The following SEMA3A variants were observed in gnomAD, a reference collection of about 807,000 sequenced individuals.
SEMA3A encodes the protein semaphorin 3A, also known as semaphorin-3A.
Under a neutral mutation model 97.9 loss-of-function variants are expected in SEMA3A, and 29 were observed. That is an observed-to-expected ratio of 0.30 (90% CI 0.22 to 0.40). The LOEUF is 0.40. SEMA3A is among the 10% of genes least tolerant of loss of function. The pLI, the probability that SEMA3A is intolerant of heterozygous loss-of-function variation, is 1.00. For missense variants in SEMA3A, 763 were observed against 951.3 expected (o/e 0.80, Z 2.60); for synonymous variants, 321 against 323.7 (o/e 0.99, Z 0.09).
chr7:84,153,203 A>G (rs1448032813), intron 1 of SEMA3A, among the ~76,000 whole-genome samples: 1 of 152,148 alleles, frequency 6.6e-6, no homozygotes. Flanking sequence ...TATTGCTATG[A>G]AAGTCTTGAT....
intron 2 of SEMA3A, among the ~76,000 whole-genome samples, chr7:84,356,510 T>C (rs1208864449): frequency 2.6e-5 from 4 of 151,564 alleles, no homozygotes; most frequent in African/African-American, 9.7e-5. Context: ...ATTCTGAAAT[T>C]TGTTTCTCTA....
At chr7:83,981,281 A>G (rs1246798926) in intron 14 of SEMA3A, 40 bp downstream of exon 14, 6 of 1,602,070 alleles carry the variant, frequency 3.7e-6, no homozygotes, top group African/African-American at 2.7e-5. Context: ...CAGATAGGAT[A>G]ACTAGCAAAC....
chr7:83,963,851 C>T (rs1220301976), intron 15 of SEMA3A, among the ~76,000 whole-genome samples: 2 of 152,118 alleles, frequency 1.3e-5, no homozygotes. Context: ...ATTTATCTAG[C>T]ATTTTACAGA....
At chr7:84,161,837 A>T (rs1797044965) in intron 1 of SEMA3A, among the ~76,000 whole-genome samples, 1 of 152,208 alleles carries the variant, frequency 6.6e-6, no homozygotes, top group South Asian at 2.1e-4. Flanking sequence ...TTCTATTTTT[A>T]AAATATTCTA....
rs1805599904 is a variant in SEMA3A, at chr7:84,453,127, C to T, written c.-246+39333G>A. On this transcript the variant is annotated intron_variant, in intron 1 of 3. Transcript: ENST00000424555. ...AGGAATCTGGAGGAAAAAAAATAGT[C>T]GTATCCTTATACATATCGAATACCT... 2.0e-5 allele frequency among the ~76,000 whole-genome samples: 3 copies of T among 152,072 alleles called. No homozygotes were observed. The South Asian group carries it at 6.2e-4, about 32-fold the overall frequency.
Position 84,004,881 on chromosome 7 carries a change from G to T in SEMA3A, c.1360+458C>A, listed in dbSNP as rs148649917. ...ATACATTTGACCCTTGAACAACATG[G>T]GTTTGAACTGTGTGGGTCCACTTAT... On this transcript the variant is annotated intron_variant, in intron 11 of 16. Coordinates refer to ENST00000265362, the MANE Select transcript of SEMA3A (RefSeq NM_006080.3). Among the ~76,000 whole-genome samples the T allele has an allele frequency of 8.0e-3, 1,214 of 152,190 alleles. 16 individuals are homozygous for T. Among genetic ancestry groups the T allele is most frequent in the African/African-American group, 0.027 (1,136 of 41,528 alleles).
At chr7:84,161,121 T>C (rs1160117170) in intron 1 of SEMA3A, among the ~76,000 whole-genome samples, 31 of 151,866 alleles carry the variant, frequency 2.0e-4, no homozygotes, top group Non-Finnish European at 1.5e-5. Flanking sequence ...ATCCCAGCAC[T>C]TTGGGAGGCC....
chr7:84,162,791 G>A (rs1179238475), intron 1 of SEMA3A, among the ~76,000 whole-genome samples: 2 of 152,126 alleles, frequency 1.3e-5, no homozygotes, highest in East Asian at 1.9e-4. Flanking sequence ...TAGCAAAGCT[G>A]TAGCTATGTC....
intron 6 of SEMA3A, among the ~76,000 whole-genome samples, chr7:84,034,563 CTG>C (rs1791874717): frequency 6.6e-6 from 1 of 152,070 alleles, no homozygotes; most frequent in Admixed American, 6.6e-5. Context: ...TACATGCTCT[CTG>C]TTGTTCATGA....
At chr7:84,459,367 T>C (rs760831304) in intron 1 of SEMA3A, among the ~76,000 whole-genome samples, 1 of 152,212 alleles carries the variant, frequency 6.6e-6, no homozygotes, top group Non-Finnish European at 1.5e-5. Flanking sequence ...TATTACACTT[T>C]GTGTTTGATT....
At chr7:84,233,441 G>A (rs1584151035) in intron 3 of SEMA3A, among the ~76,000 whole-genome samples, 1 of 152,046 alleles carries the variant, frequency 6.6e-6, no homozygotes, top group East Asian at 1.9e-4. Context: ...TTAAATGAAT[G>A]TAGACTATCT....
intron 3 of SEMA3A, among the ~76,000 whole-genome samples, chr7:84,261,920 T>TA (rs1343604016): frequency 2.0e-5 from 3 of 152,100 alleles, no homozygotes; most frequent in Non-Finnish European, 4.4e-5. Flanking sequence ...ATAACACTTA[T>TA]AGTCATTCTT....
rs903628263 is a variant in SEMA3A, at chr7:84,271,904, G to A, written c.-83+35303C>T. The stretch of plus-strand genomic sequence containing the variant: ...TTCACCTAGTTCAATCTTTGTCTTT[G>A]ATATAAAATAATACTTTATACTTCA... On this transcript the variant is annotated intron_variant, in intron 3 of 3. Coordinates refer to the SEMA3A transcript ENST00000424555. Among the ~76,000 whole-genome samples the A allele has an allele frequency of 3.3e-5, 5 of 152,138 alleles. No homozygotes were observed. The East Asian group carries it at 9.7e-4, about 29-fold the overall frequency.
rs150039890 is a variant in SEMA3A, at chr7:84,486,951, CCT to C, written c.-246+5507_-246+5508del. Among the ~76,000 whole-genome samples, 2,117 of 152,086 alleles carry C rather than the reference CCT, an allele frequency of 0.014. 81 individuals are homozygous for C. The East Asian group carries it at 0.15, about 10-fold the overall frequency. Reference sequence around the variant, plus strand: ...AAGTACAGATAGAATACTAACGATTCCTCTCTGTCTCTCTCATACAAATTTGA... The same window carrying C: ...AAGTACAGATAGAATACTAACGATTCCTCTGTCTCTCTCATACAAATTTGA... On this transcript the variant is annotated intron_variant, in intron 1 of 3. Transcript: ENST00000424555.
chr7:83,974,356 A>G (rs1016424324), intron 15 of SEMA3A, among the ~76,000 whole-genome samples: 1 of 152,130 alleles, frequency 6.6e-6, no homozygotes, highest in African/African-American at 2.4e-5. Context: ...TTCCACCTTA[A>G]TTCTGAGTTA....
intron 1 of SEMA3A, among the ~76,000 whole-genome samples, chr7:84,154,691 C>A (rs140688602): frequency 0.1 from 10,836 of 106,562 alleles, 549 homozygotes; most frequent in African/African-American, 0.17. Flanking sequence ...AAAAAAAAAA[C>A]AAAAAAAAAA....
chr7:84,063,581 G>C (rs1209020674), intron 4 of SEMA3A, among the ~76,000 whole-genome samples: 3 of 150,956 alleles, frequency 2.0e-5, no homozygotes, highest in African/African-American at 4.9e-5. Flanking sequence ...TAAAGGAGCT[G>C]ATGGAGCTGA....
chr7:84,225,925 G>A (rs552397594), intron 3 of SEMA3A, among the ~76,000 whole-genome samples: 1 of 152,180 alleles, frequency 6.6e-6, no homozygotes, highest in African/African-American at 2.4e-5. Context: ...AGTTGTGGAT[G>A]CCAAGTTTAA....
intron 1 of SEMA3A, among the ~76,000 whole-genome samples, chr7:84,406,894 C>T (rs1250685293): frequency 3.3e-5 from 5 of 152,194 alleles, no homozygotes; most frequent in East Asian, 1.9e-4. Context: ...ATTGATGGGA[C>T]GTATCTCAAA....
Sources: gnomAD v4.1 joint callset for allele counts (sites outside exome capture counted in the v4.1 genomes callset) on GRCh38, gnomAD v4.1.1 for gene constraint, MANE v1.5 for transcripts, NCBI Gene and HGNC (gene_info 2026-07-23, HGNC 2026-07-21) for gene names.